The following SAMMSON variants were observed in gnomAD, a reference collection of about 807,000 sequenced individuals.
SAMMSON encodes survival associated mitochondrial melanoma specific oncogenic non-coding RNA.
chr3:70,308,241 A>AT (rs71803178), intron 7 of SAMMSON, among the ~76,000 whole-genome samples: 98 of 148,742 alleles, frequency 6.6e-4, no homozygotes, highest in East Asian at 2.0e-3. Context: ...TTTTTATTTT[A>AT]TTTTTTTTTT....
chr3:70,127,207 C>G (rs1377457718), intron 4 of SAMMSON: 6 of 152,108 alleles, frequency 3.9e-5, no homozygotes, highest in Admixed American at 2.6e-4. Context: ...TATAAGATGT[C>G]ATTTATTTTT....
At chr3:70,284,239 G>C (rs1023265677) in intron 6 of SAMMSON, among the ~76,000 whole-genome samples, 2 of 152,052 alleles carry the variant, frequency 1.3e-5, no homozygotes, top group African/African-American at 2.4e-5. Context: ...ATAGTAATTA[G>C]GACAAGGCCA....
chr3:70,056,315 C>G (rs919154235), intron 3 of SAMMSON, among the ~76,000 whole-genome samples: 3 of 151,990 alleles, frequency 2.0e-5, no homozygotes, highest in African/African-American at 7.2e-5. Flanking sequence ...TCAAGGATCT[C>G]TTGGTAAACA....
chr3:70,043,598 G>GT (rs1372662863), intron 3 of SAMMSON, among the ~76,000 whole-genome samples: 1 of 152,026 alleles, frequency 6.6e-6, no homozygotes, highest in East Asian at 1.9e-4. Context: ...GGTACCAGTA[G>GT]TTTTTTCTCT....
chr3:70,161,234 C>T (rs1559525785), intron 4 of SAMMSON, among the ~76,000 whole-genome samples: 1 of 151,958 alleles, frequency 6.6e-6, no homozygotes, highest in Non-Finnish European at 1.5e-5. Flanking sequence ...GGTGAGAGAG[C>T]ATTCTTATCC....
intron 4 of SAMMSON, among the ~76,000 whole-genome samples, chr3:70,239,768 G>A (rs998574903): frequency 1.4e-4 from 22 of 152,044 alleles, no homozygotes; most frequent in African/African-American, 5.3e-4. Context: ...ATCGCCCTAT[G>A]TTATGATTAT....
chr3:70,008,605 C>T (rs576842933), intron 1 of SAMMSON, among the ~76,000 whole-genome samples: 5 of 152,310 alleles, frequency 3.3e-5, no homozygotes, highest in African/African-American at 1.2e-4. Context: ...TTGACTTCCT[C>T]TTTTCCTACT....
At position 70,379,281 on chromosome 3, in the gene SAMMSON, T is replaced by C. The variant is rs115832664; in HGVS notation, n.914-10293T>C. Among the ~76,000 whole-genome samples, 699 of 152,224 alleles carry C rather than the reference T, an allele frequency of 4.6e-3. 6 individuals carry two copies. Among genetic ancestry groups the C allele is most frequent in the African/African-American group, 0.016 (671 of 41,546 alleles). On this transcript the variant is annotated intron_variant and non_coding_transcript_variant, in intron 9 of 9. Coordinates refer to ENST00000642114, the Ensembl canonical transcript of SAMMSON. Reference sequence around the variant, plus strand: ...TCTGCCTCGGCCTCCCGAAGTGTACTTACACTTTTAAAAAAATAATTGTTT... The same window carrying C: ...TCTGCCTCGGCCTCCCGAAGTGTACCTACACTTTTAAAAAAATAATTGTTT...
intron 1 of SAMMSON, among the ~76,000 whole-genome samples, chr3:70,010,334 G>T (rs999791668): frequency 5.9e-5 from 9 of 152,224 alleles, no homozygotes; most frequent in Non-Finnish European, 1.3e-4. Context: ...TGTATTGGGT[G>T]CATATATGTT....
intron 7 of SAMMSON, among the ~76,000 whole-genome samples, chr3:70,346,620 A>G (rs896427913): frequency 6.6e-6 from 1 of 152,148 alleles, no homozygotes; most frequent in Non-Finnish European, 1.5e-5. Context: ...AGAAATACCT[A>G]AAGAGAAAAT....
intron 7 of SAMMSON, among the ~76,000 whole-genome samples, chr3:70,350,736 T>C (rs1348759695): frequency 6.6e-6 from 1 of 152,152 alleles, no homozygotes; most frequent in Non-Finnish European, 1.5e-5. Flanking sequence ...ATTAGTAAGG[T>C]AATTTCAAAT....
chr3:70,329,929 A>C (rs1280206878), intron 7 of SAMMSON, among the ~76,000 whole-genome samples: 1 of 151,964 alleles, frequency 6.6e-6, no homozygotes, highest in East Asian at 1.9e-4. Flanking sequence ...TCATACACCC[A>C]CCAAGTATTG....
At chr3:70,077,815 T>TA (rs575563815) in intron 4 of SAMMSON, among the ~76,000 whole-genome samples, 1 of 152,158 alleles carries the variant, frequency 6.6e-6, no homozygotes, top group African/African-American at 2.4e-5. Flanking sequence ...TAGTAATAGA[T>TA]ACGCTGGTCA....
At position 70,218,659 on chromosome 3, in the gene SAMMSON, C is replaced by A. The variant is rs377027744; in HGVS notation, n.508-30448C>A. The stretch of plus-strand genomic sequence containing the variant: ...ACTTGGGTGGCATAACACCTCCCAG[C>A]AGAACTATTCCTGACAAGGATGTGC... On this transcript the variant is annotated intron_variant and non_coding_transcript_variant, in intron 4 of 9. Coordinates refer to ENST00000642114, the Ensembl canonical transcript of SAMMSON. 2.6e-5 allele frequency among the ~76,000 whole-genome samples: 4 copies of A among 152,120 alleles called. No individual in the cohort carries two copies. In the East Asian group the frequency reaches 7.8e-4, roughly 30 times the overall value.
At chr3:70,244,404 TTCTA>T (rs1701687620) in intron 4 of SAMMSON, among the ~76,000 whole-genome samples, 1 of 152,340 alleles carries the variant, frequency 6.6e-6, no homozygotes, top group Non-Finnish European at 1.5e-5. Context: ...CAAAAGGGCA[TTCTA>T]TTTGCTACTG....
downstream of SAMMSON, among the ~76,000 whole-genome samples, chr3:70,393,879 A>G (rs933760289): frequency 6.6e-6 from 1 of 152,144 alleles, no homozygotes; most frequent in Admixed American, 6.6e-5. Context: ...CATACATGGA[A>G]GGATCATTTA....
intron 6 of SAMMSON, among the ~76,000 whole-genome samples, chr3:70,252,639 C>T (rs1299147933): frequency 1.3e-5 from 2 of 152,158 alleles, no homozygotes; most frequent in Non-Finnish European, 2.9e-5. Context: ...TAGGAGGTAA[C>T]TATTTGGTTC....
chr3:70,241,887 C>T (rs79247042), intron 4 of SAMMSON, among the ~76,000 whole-genome samples: 3,589 of 152,250 alleles, frequency 0.024, 136 homozygotes, highest in African/African-American at 0.081. Flanking sequence ...GGGCTTAGAA[C>T]GAAGGTTTGC....
In SAMMSON at chr3:70,415,835, G is replaced by A. The variant is rs561808981; in HGVS notation, n.234-46725G>A. ...ATCATGTTGTTAAATGTTGGACACCGAGCTACCCTTTAATTATGTAATCTT... is the reference window on the plus strand; with the variant it reads ...ATCATGTTGTTAAATGTTGGACACCAAGCTACCCTTTAATTATGTAATCTT... On this transcript the variant is annotated intron_variant and non_coding_transcript_variant, in intron 2 of 3. Coordinates refer to the SAMMSON transcript ENST00000641053. Among the ~76,000 whole-genome samples the A allele has an allele frequency of 8.5e-5, 13 of 152,184 alleles. No homozygotes were observed. The South Asian group carries it at 2.7e-3, about 32-fold the overall frequency.
Sources: allele counts gnomAD v4.1 joint callset (sites outside exome capture counted in the v4.1 genomes callset), GRCh38; gene constraint gnomAD v4.1.1; transcripts MANE v1.5; gene names NCBI Gene and HGNC (gene_info 2026-07-23, HGNC 2026-07-21).